SLC4A10: variants seen among roughly 807,000 people sequenced by gnomAD.
The protein encoded by SLC4A10 is solute carrier family 4 member 10.
SLC4A10 carries 42 observed loss-of-function variants against 137.7 expected under a neutral mutation model. That is an observed-to-expected ratio of 0.30 (90% CI 0.24 to 0.39). The LOEUF (loss-of-function observed/expected upper bound fraction) is 0.39. Ranked by LOEUF, SLC4A10 falls within the 10% of genes least tolerant of loss-of-function variation. SLC4A10 has a pLI of 1.00. For missense variants in SLC4A10, 925 were observed against 1,355.0 expected (o/e 0.68, Z 4.98); for synonymous variants, 474 against 464.1 (o/e 1.02, Z -0.27).
At chr2:161,850,355 A>C (rs1306104030) in intron 4 of SLC4A10, among the ~76,000 whole-genome samples, 1 of 152,118 alleles carries the variant, frequency 6.6e-6, no homozygotes, top group Non-Finnish European at 1.5e-5. Flanking sequence ...GTGCCACTGC[A>C]CTCCAGTCTG....
intron 1 of SLC4A10, among the ~76,000 whole-genome samples, chr2:161,690,858 G>A (rs927349045): frequency 6.6e-6 from 1 of 152,006 alleles, no homozygotes; most frequent in African/African-American, 2.4e-5. Flanking sequence ...CCTATGTGAT[G>A]GGTTGATAGG....
intron 23 of SLC4A10, among the ~76,000 whole-genome samples, chr2:161,967,318 T>G (rs1374176023): frequency 6.6e-6 from 1 of 152,158 alleles, no homozygotes; most frequent in Admixed American, 6.5e-5. Flanking sequence ...TTATTTCTCA[T>G]CTTGTACCCT....
intron 1 of SLC4A10, among the ~76,000 whole-genome samples, chr2:161,763,875 A>T (rs1452241604): frequency 6.6e-6 from 1 of 152,138 alleles, no homozygotes; most frequent in Non-Finnish European, 1.5e-5. Context: ...AAAAAGGCAG[A>T]AATGGTGGTT....
chr2:161,789,009 AG>A (rs1397067443), intron 2 of SLC4A10, among the ~76,000 whole-genome samples: 1 of 152,194 alleles, frequency 6.6e-6, no homozygotes, highest in Non-Finnish European at 1.5e-5. Flanking sequence ...CAAAGTCAGA[AG>A]GGGTTCTGAG....
At position 161,660,556 on chromosome 2, in the gene SLC4A10, A is replaced by ATTTATTTC. The variant is rs2038154433; in HGVS notation, c.48+35993_48+35994insATTTCTTT. Among the ~76,000 whole-genome samples the ATTTATTTC allele has an allele frequency of 9.1e-5, 10 of 110,436 alleles. No individual in the cohort carries two copies. In the South Asian group the frequency reaches 1.4e-3, roughly 15 times the overall value. 72.5% of individuals were successfully genotyped at this position (110,436 alleles called of 152,430 possible). A position where few individuals can be genotyped will look rare whatever the true frequency, so the allele number is the denominator to read the frequency against. On this transcript the variant is annotated intron_variant, in intron 1 of 26. Transcript: ENST00000446997. ...ATTAATAGTTTGTGTACTCATCTAT[A>ATTTATTTC]TTTCTTTCTTTCTTTCTTTCTTTCT...
At chr2:161,626,128 T>C (rs1458289534) in intron 1 of SLC4A10, among the ~76,000 whole-genome samples, 1 of 151,848 alleles carries the variant, frequency 6.6e-6, no homozygotes, top group African/African-American at 2.4e-5. Flanking sequence ...ACAGGAATCG[T>C]GGTATGGGGA....
intron 3 of SLC4A10, among the ~76,000 whole-genome samples, chr2:161,820,291 AT>A (rs2125687388): frequency 6.6e-6 from 1 of 152,342 alleles, no homozygotes; most frequent in South Asian, 2.1e-4. Context: ...CTATATGAGA[AT>A]ATCAAGGTGT....
rs368292188 is a variant in SLC4A10, at chr2:161,625,031, G to T, written c.48+465G>T. On this transcript the variant is annotated intron_variant, in intron 1 of 26. Transcript: ENST00000446997. The stretch of plus-strand genomic sequence containing the variant: ...CTGCTGTTGCAGCTCTAGAGATTTA[G>T]TCTCTACAGAAACCAGGGGAAAGAA... Among the ~76,000 whole-genome samples, 13 of 151,030 alleles carry T rather than the reference G, an allele frequency of 8.6e-5. No homozygotes were observed. The East Asian group carries it at 2.4e-3, about 27-fold the overall frequency.
Position 161,829,837 on chromosome 2 carries a change from C to T in SLC4A10, c.278-9952C>T, listed in dbSNP as rs192730268. Among the ~76,000 whole-genome samples, 244 of 152,204 alleles carry T rather than the reference C, an allele frequency of 1.6e-3. 2 individuals are homozygous for T. Among genetic ancestry groups the T allele is most frequent in the Non-Finnish European group, 3.1e-3 (211 of 68,012 alleles). On this transcript the variant is annotated intron_variant, in intron 3 of 26. Transcript: ENST00000446997. ...CATGGCGGGAAGCAAAAGGAAGGCA[C>T]ATCTTACATGGCAGCAGACAAGAGA...
At chr2:161,645,200 G>A (rs879383668) in intron 1 of SLC4A10, among the ~76,000 whole-genome samples, 6 of 145,972 alleles carry the variant, frequency 4.1e-5, no homozygotes, top group South Asian at 2.2e-4. Context: ...TGACATCCAC[G>A]TGTTGGAAGC....
chr2:161,639,878 G>T (rs756711123), intron 1 of SLC4A10, among the ~76,000 whole-genome samples: 3 of 152,034 alleles, frequency 2.0e-5, no homozygotes, highest in South Asian at 4.1e-4. Flanking sequence ...AAAACCCTAC[G>T]CACTTCACCA....
rs1258685051 is a variant in SLC4A10 at position 161,879,075 on chromosome 2, G to T, written c.949-56G>T. 10 of 1,542,762 alleles carry T rather than the reference G, an allele frequency of 6.5e-6. No individual in the cohort carries two copies. In the Admixed American group the frequency reaches 1.6e-4, roughly 24 times the overall value. On this transcript the variant is annotated intron_variant, in intron 8 of 26. Coordinates refer to ENST00000446997, the MANE Select transcript of SLC4A10 (RefSeq NM_001178015.2). ...TATGTGAAGCACTGTGCAAGAATAT[G>T]ATTTACCAGATTTTTCCAATTTTGA...
chr2:161,831,955 C>G (rs1433521476), intron 3 of SLC4A10, among the ~76,000 whole-genome samples: 1 of 152,028 alleles, frequency 6.6e-6, no homozygotes, highest in African/African-American at 2.4e-5. Context: ...TGCCTTTGTG[C>G]CTGTCTGTCT....
At chr2:161,628,356 A>G (rs2032857016) in intron 1 of SLC4A10, among the ~76,000 whole-genome samples, 1 of 152,098 alleles carries the variant, frequency 6.6e-6, no homozygotes. Context: ...TCCCTAAGGT[A>G]TAAAACTACA....
At chr2:161,963,580 G>A (rs1162656443) in intron 21 of SLC4A10, among the ~76,000 whole-genome samples, 6 of 152,126 alleles carry the variant, frequency 3.9e-5, no homozygotes, top group Non-Finnish European at 7.4e-5. Context: ...AGTCAAAACA[G>A]CAGAGTCAAA....
At chr2:161,978,384 C>CAAAAAAAAAAAAAA (rs61399867) in intron 26 of SLC4A10, among the ~76,000 whole-genome samples, 4 of 90,288 alleles carry the variant, frequency 4.4e-5, no homozygotes, top group African/African-American at 4.4e-5. Context: ...GAGACTCTGT[C>CAAAAAAAAAAAAAA]AAAAAAAAAA....
intron 1 of SLC4A10, among the ~76,000 whole-genome samples, chr2:161,730,991 G>A (rs1007639922): frequency 2.6e-5 from 4 of 152,126 alleles, no homozygotes; most frequent in African/African-American, 9.7e-5. Context: ...GGTGAATCAT[G>A]AAGATGTACA....
intron 1 of SLC4A10, among the ~76,000 whole-genome samples, chr2:161,726,739 A>G (rs960484078): frequency 2.0e-5 from 3 of 152,008 alleles, no homozygotes; most frequent in African/African-American, 7.2e-5. Flanking sequence ...TAAAACCTCA[A>G]CTCTACTAAA....
intron 21 of SLC4A10, 85 bp downstream of exon 21, chr2:161,958,640 C>A: frequency 1.1e-6 from 1 of 931,488 alleles, no homozygotes; most frequent in South Asian, 1.6e-5. Context: ...TGAGAAAATG[C>A]CACCACCTGA....
Sources: gnomAD v4.1 joint callset for allele counts (sites outside exome capture counted in the v4.1 genomes callset) on GRCh38, gnomAD v4.1.1 for gene constraint, MANE v1.5 for transcripts, NCBI Gene and HGNC (gene_info 2026-07-23, HGNC 2026-07-21) for gene names.